Variants in RIMS1 observed in about 807,000 individuals in gnomAD.
The protein encoded by RIMS1 is regulating synaptic membrane exocytosis 1.
RIMS1 carries 83 observed loss-of-function variants against 214.1 expected under a neutral mutation model. That is an observed-to-expected ratio of 0.39 (90% CI 0.32 to 0.47). The LOEUF (loss-of-function observed/expected upper bound fraction) is 0.47, where lower values mean the gene tolerates loss of function less well. RIMS1 is among the 20% of genes least tolerant of loss of function. The probability of loss-of-function intolerance (pLI) is 0.99; values close to 1 mark genes in which losing one functional copy is unlikely to be tolerated. For missense variants in RIMS1, 2,050 were observed against 2,161.8 expected (o/e 0.95, Z 1.03); for synonymous variants, 793 against 786.8 (o/e 1.01, Z -0.13).
intron 2 of RIMS1, among the ~76,000 whole-genome samples, chr6:71,985,194 G>A (rs1799578495): frequency 6.6e-6 from 1 of 152,048 alleles, no homozygotes; most frequent in African/African-American, 2.4e-5. Flanking sequence ...GACTAGCCTG[G>A]GCAACATAGT....
chr6:72,230,539 T>C (rs1181528713), intron 6 of RIMS1, among the ~76,000 whole-genome samples: 1 of 151,618 alleles, frequency 6.6e-6, no homozygotes, highest in African/African-American at 2.4e-5. Context: ...AAGGGATTTT[T>C]GTTTAATTGG....
intron 2 of RIMS1, among the ~76,000 whole-genome samples, chr6:71,995,756 A>G (rs1470234768): frequency 6.6e-6 from 1 of 152,082 alleles, no homozygotes; most frequent in African/African-American, 2.4e-5. Flanking sequence ...TGCACGCAAA[A>G]GAAGAGAGCT....
At chr6:72,212,666 G>C (rs528160505) in intron 6 of RIMS1, 1 of 296,368 alleles carries the variant, frequency 3.4e-6, no homozygotes, top group Non-Finnish European at 5.0e-6. Context: ...CTCACAGCAC[G>C]ACAAAGGACA....
At chr6:71,921,569 T>G (rs887486503) in intron 1 of RIMS1, among the ~76,000 whole-genome samples, 1 of 152,242 alleles carries the variant, frequency 6.6e-6, no homozygotes, top group Non-Finnish European at 1.5e-5. Flanking sequence ...TCATACTTAC[T>G]GAATTGCATT....
chr6:72,260,871 T>G, intron 19 of RIMS1, 104 bp downstream of exon 19: 1 of 1,541,720 alleles, frequency 6.5e-7, no homozygotes, highest in Non-Finnish European at 8.8e-7. Context: ...GCAAGTCAAA[T>G]AAATTTCCCA....
At chr6:71,954,067 G>A (rs1446156672) in intron 1 of RIMS1, among the ~76,000 whole-genome samples, 1 of 151,978 alleles carries the variant, frequency 6.6e-6, no homozygotes, top group African/African-American at 2.4e-5. Context: ...GCCTTTTTAG[G>A]TATGTTTCTA....
chr6:71,942,404 T>C (rs986997135), intron 1 of RIMS1, among the ~76,000 whole-genome samples: 1 of 152,170 alleles, frequency 6.6e-6, no homozygotes, highest in African/African-American at 2.4e-5. Context: ...TTAGTAGAGG[T>C]CATTTTCCTT....
intron 2 of RIMS1, among the ~76,000 whole-genome samples, chr6:72,062,272 C>A (rs953696302): frequency 6.6e-6 from 1 of 151,948 alleles, no homozygotes; most frequent in Admixed American, 6.6e-5. Flanking sequence ...AGTAGTTCAA[C>A]TTATTTGGTC....
intron 1 of RIMS1, among the ~76,000 whole-genome samples, chr6:71,894,738 G>A (rs992454795): frequency 6.6e-6 from 1 of 152,144 alleles, no homozygotes; most frequent in Non-Finnish European, 1.5e-5. Flanking sequence ...GTTACAGAAA[G>A]TAATTGCATG....
At chr6:72,287,091 T>C (rs950853221) in intron 24 of RIMS1, among the ~76,000 whole-genome samples, 2 of 152,234 alleles carry the variant, frequency 1.3e-5, no homozygotes, top group Non-Finnish European at 2.9e-5. Flanking sequence ...CTGCCCATCA[T>C]TTCTGCATTC....
At chr6:71,968,765 G>A (rs544942675) in intron 1 of RIMS1, among the ~76,000 whole-genome samples, 1 of 152,292 alleles carries the variant, frequency 6.6e-6, no homozygotes, top group East Asian at 1.9e-4. Flanking sequence ...GTCAAATACA[G>A]AGGCTAGCAC....
chr6:72,115,455 A>G (rs1423047958), intron 4 of RIMS1, among the ~76,000 whole-genome samples: 1 of 151,932 alleles, frequency 6.6e-6, no homozygotes, highest in African/African-American at 2.4e-5. Flanking sequence ...GATTGCCTTT[A>G]TCTAGGTTTG....
Position 72,400,477 on chromosome 6 carries a change from C to T in RIMS1, c.4861-19C>T. On this transcript the variant is annotated intron_variant, in intron 33 of 33. Coordinates refer to ENST00000521978, the MANE Select transcript of RIMS1 (RefSeq NM_014989.7). The stretch of plus-strand genomic sequence containing the variant: ...GCAGAGAGAAGTCCAGGTAATGTTG[C>T]ATTTCTCTATCTCTGCAGGTGATTG... The T allele has an allele frequency of 6.2e-7, 1 of 1,601,690 alleles. No individual in the cohort carries two copies. The highest frequency in any genetic ancestry group is 8.6e-7 in the Non-Finnish European group (1 of 1,168,712).
chr6:72,105,430 T>C (rs1392636281), intron 4 of RIMS1, among the ~76,000 whole-genome samples: 1 of 152,118 alleles, frequency 6.6e-6, no homozygotes, highest in African/African-American at 2.4e-5. Flanking sequence ...AAAATTCAAT[T>C]GCATTTCATC....
At chr6:71,973,156 C>T (rs575651296) in intron 2 of RIMS1, among the ~76,000 whole-genome samples, 1 of 152,222 alleles carries the variant, frequency 6.6e-6, no homozygotes, top group Non-Finnish European at 1.5e-5. Context: ...GATCCGCCCA[C>T]CTTGGCCTCC....
chr6:72,034,072 A>G (rs990717422), intron 2 of RIMS1, among the ~76,000 whole-genome samples: 7 of 152,168 alleles, frequency 4.6e-5, no homozygotes, highest in African/African-American at 1.7e-4. Flanking sequence ...TCAGTGGTTC[A>G]TAAGTTCTAA....
intron 2 of RIMS1, among the ~76,000 whole-genome samples, chr6:72,010,188 T>C (rs1023958272): frequency 1.3e-5 from 2 of 152,054 alleles, no homozygotes; most frequent in Non-Finnish European, 2.9e-5. Flanking sequence ...TGCAAATCAA[T>C]AAACGTAATC....
chr6:72,023,712 C>T (rs550265784), intron 2 of RIMS1, among the ~76,000 whole-genome samples: 4 of 151,950 alleles, frequency 2.6e-5, no homozygotes, highest in East Asian at 1.9e-4. Flanking sequence ...TACATAGTAT[C>T]GTTGTACTAT....
intron 2 of RIMS1, among the ~76,000 whole-genome samples, chr6:72,038,415 G>T (rs1183008396): frequency 6.6e-6 from 1 of 151,894 alleles, no homozygotes; most frequent in African/African-American, 2.4e-5. Context: ...TCATAATTCA[G>T]TGCAATGTTT....
Sources: allele counts gnomAD v4.1 joint callset (sites outside exome capture counted in the v4.1 genomes callset), GRCh38; gene constraint gnomAD v4.1.1; transcripts MANE v1.5; gene names NCBI Gene and HGNC (gene_info 2026-07-23, HGNC 2026-07-21).